Variants in FOXP1 observed in about 807,000 individuals in gnomAD.
FOXP1 encodes the protein forkhead box P1, also known as forkhead box protein P1.
FOXP1 carries 15 observed loss-of-function variants against 98.2 expected under a neutral mutation model. The ratio of observed to expected loss-of-function variants is 0.15; its 90% CI spans 0.10 to 0.24. The LOEUF (loss-of-function observed/expected upper bound fraction) is 0.24, where lower values mean the gene tolerates loss of function less well. FOXP1 is among the 10% of genes least tolerant of loss of function. The pLI, the probability that FOXP1 is intolerant of heterozygous loss-of-function variation, is 1.00. For synonymous variants in FOXP1, 371 were observed against 314.5 expected (o/e 1.18, Z -1.90); for missense variants, 633 against 848.5 (o/e 0.75, Z 3.15).
chr3:71,413,093 A>T (rs1009957494), intron 3 of FOXP1, among the ~76,000 whole-genome samples: 2 of 151,996 alleles, frequency 1.3e-5, no homozygotes, highest in African/African-American at 4.8e-5. Flanking sequence ...ACCGACAAAC[A>T]GCCAACCGGC....
chr3:71,500,482 T>C (rs79112935), intron 2 of FOXP1, among the ~76,000 whole-genome samples: 4,917 of 152,206 alleles, frequency 0.032, 254 homozygotes, highest in African/African-American at 0.11. Flanking sequence ...TAGACCATCA[T>C]CCTGCTGGCT....
chr3:71,372,178 A>AGTT (rs2079379204), intron 3 of FOXP1, among the ~76,000 whole-genome samples: 2 of 96,526 alleles, frequency 2.1e-5, no homozygotes, highest in South Asian at 7.6e-4. Context: ...ATTCCTGGCT[A>AGTT]ATTTTTTTTT....
At chr3:71,082,531 G>A (rs1299455107) in intron 7 of FOXP1, among the ~76,000 whole-genome samples, 4 of 151,886 alleles carry the variant, frequency 2.6e-5, no homozygotes, top group African/African-American at 9.7e-5. Flanking sequence ...TGTAGATGAC[G>A]GGTTGATGGG....
chr3:71,349,874 T>C (rs1380344364), intron 4 of FOXP1, among the ~76,000 whole-genome samples: 2 of 152,226 alleles, frequency 1.3e-5, no homozygotes, highest in African/African-American at 4.8e-5. Context: ...GTACTATTTT[T>C]ATCCTCAGGT....
At chr3:71,564,554 G>A (rs1209255283) in intron 2 of FOXP1, among the ~76,000 whole-genome samples, 2 of 152,182 alleles carry the variant, frequency 1.3e-5, no homozygotes, top group South Asian at 2.1e-4. Flanking sequence ...CTGGTTGGCC[G>A]ACCTTGAGTC....
chr3:71,153,667 G>C (rs1208530909), intron 6 of FOXP1, among the ~76,000 whole-genome samples: 1 of 152,006 alleles, frequency 6.6e-6, no homozygotes, highest in Non-Finnish European at 1.5e-5. Flanking sequence ...GGTGTATGTA[G>C]GTGTGTCACA....
chr3:71,525,569 G>A (rs532112801), intron 2 of FOXP1, among the ~76,000 whole-genome samples: 1 of 152,176 alleles, frequency 6.6e-6, no homozygotes, highest in South Asian at 2.1e-4. Context: ...TCTACACCCT[G>A]AACGAAGGTC....
intron 13 of FOXP1, among the ~76,000 whole-genome samples, chr3:70,991,194 G>A (rs2107525706): frequency 1.3e-5 from 2 of 152,056 alleles, no homozygotes; most frequent in African/African-American, 4.8e-5. Context: ...AAATAATTTT[G>A]ATCGTTTAAA....
chr3:71,470,511 G>A (rs2089231223), intron 3 of FOXP1, among the ~76,000 whole-genome samples: 1 of 152,128 alleles, frequency 6.6e-6, no homozygotes, highest in South Asian at 2.1e-4. Flanking sequence ...AGGCTGAGGA[G>A]GGCAGATTGC....
intron 5 of FOXP1, among the ~76,000 whole-genome samples, chr3:71,219,117 A>G (rs1353038691): frequency 6.6e-6 from 1 of 152,094 alleles, no homozygotes; most frequent in Non-Finnish European, 1.5e-5. Flanking sequence ...ACCAATTCCC[A>G]CCCACACTAC....
chr3:70,961,602 C>T (rs2033533340), intron 20 of FOXP1, among the ~76,000 whole-genome samples: 1 of 151,922 alleles, frequency 6.6e-6, no homozygotes, highest in African/African-American at 2.4e-5. Context: ...ACCCTCCCAG[C>T]AGTCTGTATT....
chr3:71,280,585 A>T (rs2071430426), intron 5 of FOXP1, among the ~76,000 whole-genome samples: 1 of 152,090 alleles, frequency 6.6e-6, no homozygotes, highest in Admixed American at 6.5e-5. Context: ...CGGCCTCCCA[A>T]AGTGCTGGGA....
At chr3:71,167,904 C>A (rs1009068) in intron 6 of FOXP1, among the ~76,000 whole-genome samples, 61,907 of 152,004 alleles carry the variant, frequency 0.41, 15,475 homozygotes, top group Middle Eastern at 0.59. Flanking sequence ...TACACTCCTG[C>A]AATATGTTCC....
intron 6 of FOXP1, among the ~76,000 whole-genome samples, chr3:71,170,310 G>T (rs1238016884): frequency 1.1e-4 from 17 of 152,174 alleles, no homozygotes; most frequent in Admixed American, 1.1e-3. Context: ...ACTCCGTTGA[G>T]CCTAATATTT....
chr3:71,174,821 CA>C (rs1560064125), intron 6 of FOXP1, among the ~76,000 whole-genome samples: 24 of 151,272 alleles, frequency 1.6e-4, no homozygotes, highest in Middle Eastern at 3.4e-3. Context: ...CACACACACA[CA>C]CACACCCCAA....
intron 6 of FOXP1, among the ~76,000 whole-genome samples, chr3:71,194,392 T>C (rs2063179839): frequency 6.6e-6 from 1 of 152,228 alleles, no homozygotes; most frequent in Non-Finnish European, 1.5e-5. Context: ...GTATGCATTC[T>C]GTTAATTGAC....
At chr3:71,531,555 G>A (rs1171028152) in intron 2 of FOXP1, among the ~76,000 whole-genome samples, 2 of 152,174 alleles carry the variant, frequency 1.3e-5, no homozygotes, top group African/African-American at 2.4e-5. Flanking sequence ...AACAAAGAAA[G>A]CACACTGCCT....
intron 3 of FOXP1, among the ~76,000 whole-genome samples, chr3:71,401,400 C>T (rs964827141): frequency 1.3e-5 from 2 of 152,138 alleles, no homozygotes; most frequent in African/African-American, 4.8e-5. Context: ...GTGGATGGGG[C>T]ATTTCTCACA....
intron 3 of FOXP1, among the ~76,000 whole-genome samples, chr3:71,484,224 A>G (rs991242076): frequency 6.6e-6 from 1 of 152,216 alleles, no homozygotes; most frequent in African/African-American, 2.4e-5. Flanking sequence ...TCCAAAGGAG[A>G]CAGTACATTG....
Sources: gnomAD v4.1 joint callset for allele counts (sites outside exome capture counted in the v4.1 genomes callset) on GRCh38, gnomAD v4.1.1 for gene constraint, MANE v1.5 for transcripts, NCBI Gene and HGNC (gene_info 2026-07-23, HGNC 2026-07-21) for gene names.